Variants in MSRA observed in about 807,000 individuals in gnomAD.
The protein encoded by MSRA is methionine sulfoxide reductase A, also known as mitochondrial peptide methionine sulfoxide reductase.
In MSRA, 54 loss-of-function variants were observed where a neutral mutation model predicts 31.3. The ratio of observed to expected loss-of-function variants is 1.73; its 90% CI spans 1.39 to 2.17. The LOEUF (loss-of-function observed/expected upper bound fraction) is 2.17, where lower values mean the gene tolerates loss of function less well. Among genes scored for constraint, MSRA ranks in the 30% most tolerant of loss-of-function variants. The probability of loss-of-function intolerance (pLI) is 0.00; values close to 1 mark genes in which losing one functional copy is unlikely to be tolerated. For missense variants in MSRA, 507 were observed against 300.9 expected (o/e 1.69, Z -5.07); for synonymous variants, 169 against 116.5 (o/e 1.45, Z -2.90).
At chr8:10,120,501 C>T (rs1368439728) in intron 1 of MSRA, among the ~76,000 whole-genome samples, 2 of 152,170 alleles carry the variant, frequency 1.3e-5, no homozygotes, top group Non-Finnish European at 2.9e-5. Flanking sequence ...TTCCAAAATA[C>T]TAAGCTAAAA....
chr8:10,187,967 C>G (rs1807194174), intron 1 of MSRA, among the ~76,000 whole-genome samples: 1 of 152,138 alleles, frequency 6.6e-6, no homozygotes, highest in Non-Finnish European at 1.5e-5. Flanking sequence ...AAAATCTTTT[C>G]AATTTGCTTT....
chr8:10,073,544 A>G (rs768747973), intron 1 of MSRA, among the ~76,000 whole-genome samples: 2 of 135,874 alleles, frequency 1.5e-5, no homozygotes, highest in Admixed American at 7.9e-5. Flanking sequence ...TTTTCTTTTG[A>G]ATTGTCCTTT....
intron 1 of MSRA, among the ~76,000 whole-genome samples, chr8:10,133,467 G>T (rs1003741721): frequency 1.3e-5 from 2 of 152,156 alleles, no homozygotes; most frequent in Admixed American, 1.3e-4. Context: ...AAGGTCTTAG[G>T]TCTCTCCTCT....
At chr8:10,262,818 G>T (rs1798550674) in intron 3 of MSRA, among the ~76,000 whole-genome samples, 1 of 152,218 alleles carries the variant, frequency 6.6e-6, no homozygotes, top group Non-Finnish European at 1.5e-5. Flanking sequence ...AGGTTGGACT[G>T]TTGCATGCCC....
In MSRA at chr8:10,343,684, G is replaced by C. The variant is rs576863659; in HGVS notation, c.543+23695G>C. 2.6e-5 allele frequency among the ~76,000 whole-genome samples: 4 copies of C among 152,150 alleles called. No individual in the cohort carries two copies. The East Asian group carries it at 7.7e-4, about 29-fold the overall frequency. ...TAAAGGGTGCTGGGGGGTCCCTGGT[G>C]ACCTGCACACACAAGTCAATAGATT... On this transcript the variant is annotated intron_variant, in intron 5 of 5. Coordinates refer to ENST00000317173, the MANE Select transcript of MSRA (RefSeq NM_012331.5).
At chr8:10,159,935 A>T (rs920881842) in intron 1 of MSRA, among the ~76,000 whole-genome samples, 2 of 152,228 alleles carry the variant, frequency 1.3e-5, no homozygotes, top group Non-Finnish European at 2.9e-5. Context: ...TTAGGAAGAA[A>T]CGACTTATAA....
At chr8:10,404,158 C>G (rs1356459339) in intron 5 of MSRA, among the ~76,000 whole-genome samples, 1 of 152,098 alleles carries the variant, frequency 6.6e-6, no homozygotes, top group Non-Finnish European at 1.5e-5. Flanking sequence ...CACCTCGGCC[C>G]CTGGTCCACG....
intron 4 of MSRA, among the ~76,000 whole-genome samples, chr8:10,309,862 G>A (rs1314954058): frequency 6.6e-6 from 1 of 152,140 alleles, no homozygotes; most frequent in East Asian, 1.9e-4. Context: ...CAGGGAATCG[G>A]GTGGGATAGG....
chr8:10,074,249 A>T (rs1797885779), intron 1 of MSRA, among the ~76,000 whole-genome samples: 1 of 150,722 alleles, frequency 6.6e-6, no homozygotes, highest in African/African-American at 2.4e-5. Flanking sequence ...TGCCCAGCTA[A>T]TTTTTTGTAT....
chr8:10,424,923 C>G (rs1809046872), intron 5 of MSRA, among the ~76,000 whole-genome samples: 1 of 152,212 alleles, frequency 6.6e-6, no homozygotes, highest in Non-Finnish European at 1.5e-5. Context: ...AGCGAAGGAG[C>G]AGGGGGGCTG....
intron 1 of MSRA, among the ~76,000 whole-genome samples, chr8:10,191,876 T>A (rs1807540175): frequency 6.6e-6 from 1 of 152,208 alleles, no homozygotes; most frequent in Non-Finnish European, 1.5e-5. Flanking sequence ...TTCTAAAACT[T>A]AGCAGTTTAA....
At chr8:10,151,945 C>T (rs1209424060) in intron 1 of MSRA, among the ~76,000 whole-genome samples, 2 of 152,216 alleles carry the variant, frequency 1.3e-5, no homozygotes, top group Non-Finnish European at 1.5e-5. Context: ...TGTCTCACCA[C>T]CTGACCCTTA....
At chr8:10,132,521 G>C (rs1261089462) in intron 1 of MSRA, among the ~76,000 whole-genome samples, 1 of 152,134 alleles carries the variant, frequency 6.6e-6, no homozygotes, top group African/African-American at 2.4e-5. Flanking sequence ...TGGCAGACTT[G>C]GGAAGTCCAA....
chr8:10,196,036 AC>A (rs1428325717), intron 1 of MSRA, among the ~76,000 whole-genome samples: 1 of 152,094 alleles, frequency 6.6e-6, no homozygotes, highest in African/African-American at 2.4e-5. Flanking sequence ...ATCATTTATC[AC>A]TGTCAGAGAG....
chr8:10,381,334 C>A (rs1313714354), intron 5 of MSRA, among the ~76,000 whole-genome samples: 4 of 152,188 alleles, frequency 2.6e-5, no homozygotes. Context: ...TCCGTACCTC[C>A]TCTTGCTTGT....
chr8:10,313,243 G>C (rs1801533663), intron 4 of MSRA, among the ~76,000 whole-genome samples: 1 of 152,180 alleles, frequency 6.6e-6, no homozygotes, highest in African/African-American at 2.4e-5. Context: ...CCTGCTGAAT[G>C]CTAATGCCAA....
At chr8:10,371,202 G>T (rs894536309) in intron 5 of MSRA, among the ~76,000 whole-genome samples, 2 of 152,176 alleles carry the variant, frequency 1.3e-5, no homozygotes, top group Non-Finnish European at 1.5e-5. Flanking sequence ...CGAGAAGGAT[G>T]TAAGTACCAA....
intron 3 of MSRA, among the ~76,000 whole-genome samples, chr8:10,265,858 C>G (rs1448431101): frequency 6.6e-6 from 1 of 152,234 alleles, no homozygotes; most frequent in African/African-American, 2.4e-5. Flanking sequence ...TTTCTGGAAT[C>G]ACACAGATTT....
intron 1 of MSRA, among the ~76,000 whole-genome samples, chr8:10,200,496 G>T (rs1037254658): frequency 6.6e-6 from 1 of 152,136 alleles, no homozygotes; most frequent in Non-Finnish European, 1.5e-5. Context: ...CTTCCTGGGG[G>T]ACTCCCTGCC....
Sources: allele counts gnomAD v4.1 joint callset (sites outside exome capture counted in the v4.1 genomes callset), GRCh38; gene constraint gnomAD v4.1.1; transcripts MANE v1.5; gene names NCBI Gene and HGNC (gene_info 2026-07-23, HGNC 2026-07-21).